Variants in LNPK observed in about 807,000 individuals in gnomAD.
LNPK encodes the protein endoplasmic reticulum junction formation protein lunapark.
A neutral mutation model predicts 55.2 loss-of-function variants in LNPK; 29 were observed. That is an observed-to-expected ratio of 0.53 (90% confidence interval 0.39 to 0.72). The LOEUF (loss-of-function observed/expected upper bound fraction) is 0.72. LNPK is among the 30% of genes least tolerant of loss of function. The pLI, the probability that LNPK is intolerant of heterozygous loss-of-function variation, is 0.00. For synonymous variants in LNPK, 162 were observed against 168.2 expected (o/e 0.96, Z 0.29); for missense variants, 467 against 494.8 (o/e 0.94, Z 0.53).
chr2:175,994,914 ATTTTTTTT>A (rs35432943), intron 2 of LNPK, among the ~76,000 whole-genome samples: 7 of 88,494 alleles, frequency 7.9e-5, no homozygotes, highest in African/African-American at 1.7e-4. Flanking sequence ...CTTGTATAGA[ATTTTTTTT>A]TTTTTTTTTT....
intron 12 of LNPK, among the ~76,000 whole-genome samples, chr2:175,935,092 C>A (rs904362281): frequency 6.6e-6 from 1 of 151,980 alleles, no homozygotes; most frequent in African/African-American, 2.4e-5. Flanking sequence ...AAAAATATTT[C>A]TTCTATTAAT....
intron 9 of LNPK, among the ~76,000 whole-genome samples, chr2:175,944,890 T>G (rs1685043895): frequency 6.6e-6 from 1 of 152,010 alleles, no homozygotes; most frequent in Non-Finnish European, 1.5e-5. Flanking sequence ...TAAATAAAAG[T>G]TAGGTTCTAG....
chr2:175,961,486 T>G (rs1686026302), intron 8 of LNPK, among the ~76,000 whole-genome samples: 1 of 152,176 alleles, frequency 6.6e-6, no homozygotes, highest in African/African-American at 2.4e-5. Context: ...GAAAAGGCCT[T>G]CGACAAAATT....
chr2:175,956,642 A>G (rs1685709249), intron 8 of LNPK, among the ~76,000 whole-genome samples: 1 of 152,190 alleles, frequency 6.6e-6, no homozygotes, highest in South Asian at 2.1e-4. Flanking sequence ...AGAACCATAA[A>G]ACACAGGTCT....
At chr2:175,975,377 G>A (rs537132871) in intron 5 of LNPK, among the ~76,000 whole-genome samples, 5 of 152,140 alleles carry the variant, frequency 3.3e-5, no homozygotes, top group East Asian at 3.9e-4. Flanking sequence ...ATAACACTTC[G>A]CAATTTTTAT....
At chr2:175,932,760 T>C (rs530832556) in intron 12 of LNPK, among the ~76,000 whole-genome samples, 1 of 152,330 alleles carries the variant, frequency 6.6e-6, no homozygotes, top group African/African-American at 2.4e-5. Context: ...GTTACAAACA[T>C]ACTTTTTTCA....
intron 12 of LNPK, among the ~76,000 whole-genome samples, chr2:175,933,803 C>T (rs1381980739): frequency 7.0e-6 from 1 of 143,594 alleles, no homozygotes; most frequent in Non-Finnish European, 1.5e-5. Context: ...ACAATCTCAG[C>T]TCACTGCAAC....
rs1684023757 is a variant in LNPK, at chr2:175,926,731, T to C, written c.*3236A>G. ...TATTAATGCAATGTGAACAGAGAAA[T>C]GAGAATATAACTAGAAGATGTTTAG... On this transcript the variant is annotated 3_prime_UTR_variant, in exon 13 of 13. Coordinates refer to ENST00000272748, the MANE Select transcript of LNPK (RefSeq NM_030650.3). 1 of 152,012 alleles carries C rather than the reference T, an allele frequency of 6.6e-6. No homozygotes were observed. Among genetic ancestry groups the C allele is most frequent in the South Asian group, 2.1e-4 (1 of 4,834 alleles). 9.4% of individuals were successfully genotyped at this position (152,012 alleles called of 1,614,324 possible).
rs186190996 is a variant in LNPK, at chr2:175,947,936, C to T, written c.494-244G>A. On this transcript the variant is annotated intron_variant, in intron 8 of 12. Transcript: ENST00000272748. ...AAGTGTAGCTACTGATACCACTTTT[C>T]AAAACAAATCCAGTAAAATGAAATC... is the stretch of plus-strand genomic sequence containing the variant. 2.4e-3 allele frequency among the ~76,000 whole-genome samples: 362 copies of T among 152,218 alleles called. 4 individuals carry two copies. The highest frequency in any genetic ancestry group is 8.0e-3 in the African/African-American group (333 of 41,530).
In LNPK at chr2:175,979,864, A is replaced by C; in HGVS notation, c.262T>G (p.Trp88Gly). 1 of 1,575,938 alleles carries C rather than the reference A, an allele frequency of 6.3e-7. No homozygotes were observed. The highest frequency in any genetic ancestry group is 8.6e-7 in the Non-Finnish European group (1 of 1,163,932). ...AAAATAATTACTGTTCTTATGCTCC[A>C]GATGCTAAAAGGGAAGCAAAATTCA... ...LPFFAFPLII[W>G]SIRTVIIFFF... is the part of the protein sequence containing the mutation. Residue 88 changes from tryptophan (W) to glycine (G), a missense_variant, in exon 5 of 13, where the codon TGG becomes GGG. Physicochemically the swap from Trp to Gly is radical, Grantham distance 184. Coordinates refer to ENST00000272748, the MANE Select transcript of LNPK (RefSeq NM_030650.3).
chr2:175,941,699 G>A (rs961699022), intron 9 of LNPK, among the ~76,000 whole-genome samples: 3 of 150,596 alleles, frequency 2.0e-5, no homozygotes, highest in Admixed American at 1.3e-4. Flanking sequence ...GCTGAGGCAG[G>A]AGAATTGCTT....
intron 10 of LNPK, among the ~76,000 whole-genome samples, chr2:175,939,278 G>T (rs547795955): frequency 3.9e-5 from 6 of 152,156 alleles, no homozygotes; most frequent in African/African-American, 1.4e-4. Flanking sequence ...CTATGTTTTT[G>T]CTTTTTAAGT....
At chr2:175,961,947 T>G (rs1431383300) in intron 8 of LNPK, among the ~76,000 whole-genome samples, 1 of 152,108 alleles carries the variant, frequency 6.6e-6, no homozygotes, top group African/African-American at 2.4e-5. Context: ...TGAACTCCCA[T>G]TCACAATTGC....
In LNPK at chr2:175,927,887, A is replaced by G. The variant is rs1684081521; in HGVS notation, c.*2080T>C. ...ACTAATCCCCTTTTAACCTTCCTCC[A>G]TATTTCTTTCAAAGATATTTCTCAT... is the stretch of plus-strand genomic sequence containing the variant. On this transcript the variant is annotated 3_prime_UTR_variant, in exon 13 of 13. Transcript: ENST00000272748. 6.6e-6 allele frequency: 1 copy of G among 152,080 alleles called. No individual in the cohort carries two copies. Among genetic ancestry groups the G allele is most frequent in the East Asian group, 1.9e-4 (1 of 5,190 alleles). 9.4% of individuals were successfully genotyped at this position (152,080 alleles called of 1,614,324 possible).
rs987694352 is a variant in LNPK, at chr2:175,925,291, A to T, written c.*4676T>A. 1 of 152,184 alleles carries T rather than the reference A, an allele frequency of 6.6e-6. No individual in the cohort carries two copies. Among genetic ancestry groups the T allele is most frequent in the African/African-American group, 2.4e-5 (1 of 41,438 alleles). The allele number at this position is 152,184 out of a possible 1,614,324, so 9.4% of individuals were successfully genotyped here. ...AGAATAAAAGGCCTAGCTTAACAAGAAGTAGCAAAATTTCCAAACTTGGGT... is the reference window on the plus strand; with the variant it reads ...AGAATAAAAGGCCTAGCTTAACAAGTAGTAGCAAAATTTCCAAACTTGGGT... On this transcript the variant is annotated 3_prime_UTR_variant, in exon 13 of 13. Coordinates refer to ENST00000272748, the MANE Select transcript of LNPK (RefSeq NM_030650.3).
At chr2:175,963,450 C>G (rs1252732239) in intron 8 of LNPK, among the ~76,000 whole-genome samples, 3 of 151,920 alleles carry the variant, frequency 2.0e-5, no homozygotes, top group Non-Finnish European at 4.4e-5. Context: ...TAAACTATCA[C>G]AAGAACAAAA....
intron 8 of LNPK, among the ~76,000 whole-genome samples, chr2:175,961,711 G>A (rs988092532): frequency 2.0e-5 from 3 of 152,114 alleles, no homozygotes; most frequent in African/African-American, 4.8e-5. Context: ...AAGGCAATCA[G>A]GCAGGAAAAA....
At chr2:175,977,756 C>G (rs1686976205) in intron 5 of LNPK, among the ~76,000 whole-genome samples, 1 of 152,002 alleles carries the variant, frequency 6.6e-6, no homozygotes. Context: ...GAGATAACAA[C>G]TACAAATAAT....
chr2:175,997,905 ATTT>A (rs34249944), intron 1 of LNPK, among the ~76,000 whole-genome samples: 1 of 141,920 alleles, frequency 7.0e-6, no homozygotes, highest in Non-Finnish European at 1.5e-5. Context: ...CACCCGGCTA[ATTT>A]TTTTTTTTTT....
Sources: gnomAD v4.1 joint callset for allele counts (sites outside exome capture counted in the v4.1 genomes callset) on GRCh38, gnomAD v4.1.1 for gene constraint, MANE v1.5 for transcripts, NCBI Gene and HGNC (gene_info 2026-07-23, HGNC 2026-07-21) for gene names.